GPR179: variants seen among roughly 807,000 people sequenced by gnomAD.
The protein encoded by GPR179 is probable G protein-coupled receptor 179.
In GPR179, 52 loss-of-function variants were observed where a neutral mutation model predicts 70.8. The ratio of observed to expected loss-of-function variants is 0.73; its 90% CI spans 0.59 to 0.93. GPR179 has a LOEUF of 0.93. Ranked by LOEUF, GPR179 falls within the 40% of genes least tolerant of loss-of-function variation. The pLI, the probability that GPR179 is intolerant of heterozygous loss-of-function variation, is 0.00. For synonymous variants in GPR179, 1,123 were observed against 1,169.0 expected, an observed-to-expected ratio of 0.96 and a Z score of 0.80; for missense variants, 2,734 against 2,966.8, an observed-to-expected ratio of 0.92 and a Z score of 1.82.
At position 38,343,545 on chromosome 17, in the gene GPR179, G is replaced by A. The variant is rs778186164; in HGVS notation, c.245C>T (p.Ala82Val). 10 of 1,613,642 alleles carry A rather than the reference G, an allele frequency of 6.2e-6. No homozygotes were observed. The highest frequency in any genetic ancestry group is 1.3e-5 in the African/African-American group (1 of 74,936). ...CCCTGGCATGGCTCCTGCCCCACGC[G>A]CTTCATAGCGCTCACTGCAATTCAC... Reference protein sequence around the residue: ...SQVNCSERYEARGAGAMPGLP... With the variant: ...SQVNCSERYEVRGAGAMPGLP... Residue 82 changes from alanine to valine, a missense_variant, in exon 1 of 11, where the codon GCG becomes GTG. Transcript: ENST00000616987. The surrounding 1 kb of genome is among the most constrained non-coding windows in gnomAD (Gnocchi z 4.2).
rs2037274796 is a variant in GPR179 at position 38,325,215 on chromosome 17, A to G, written c.*1250T>C. Among the ~76,000 whole-genome samples, 1 of 152,154 alleles carries G rather than the reference A, an allele frequency of 6.6e-6. No homozygotes were observed. Among genetic ancestry groups the G allele is most frequent in the Admixed American group, 6.6e-5 (1 of 15,264 alleles). On this transcript the variant is annotated 3_prime_UTR_variant, in exon 11 of 11. Coordinates refer to ENST00000616987, the MANE Select transcript of GPR179 (RefSeq NM_001004334.4). ...GCAATTTGTAATCTAGTACTGCTTA[A>G]GCAAGTGTAGCCTGAACTGACGAGA... is the stretch of plus-strand genomic sequence containing the variant.
In GPR179 at chr17:38,337,615, C is replaced by A; in HGVS notation, c.991+18G>T. On this transcript the variant is annotated intron_variant, in intron 3 of 10. Coordinates refer to ENST00000616987, the MANE Select transcript of GPR179 (RefSeq NM_001004334.4). ...TCTCATGTAAAACACATGCCTGGCC[C>A]CCACCACACTTACATACCCCCAGAG... is the stretch of plus-strand genomic sequence containing the variant. 6.2e-7 allele frequency: 1 copy of A among 1,601,274 alleles called. No individual in the cohort carries two copies.
Position 38,337,739 on chromosome 17 carries a change from C to A in GPR179, c.904-19G>T. Reference sequence around the variant, plus strand: ...GGACACACTATGGGGACAACAAACACAGTATGTGTTTATGTGGGGCTTTCT... The same window carrying A: ...GGACACACTATGGGGACAACAAACAAAGTATGTGTTTATGTGGGGCTTTCT... On this transcript the variant is annotated intron_variant, in intron 2 of 10. Transcript: ENST00000616987. 3 of 1,604,464 alleles carry A rather than the reference C, an allele frequency of 1.9e-6. No individual in the cohort carries two copies. The highest frequency in any genetic ancestry group is 2.6e-6 in the Non-Finnish European group (3 of 1,172,242).
chr17:38,328,689 G>C lies in GPR179; in HGVS notation c.4880C>G (p.Ser1627Trp). 1.9e-6 allele frequency: 3 copies of C among 1,614,006 alleles called. No homozygotes were observed. Among genetic ancestry groups the C allele is most frequent in the Non-Finnish European group, 2.5e-6 (3 of 1,180,000 alleles). The change falls in exon 11 of 11, where the codon TCG becomes TGG. Residue 1627 changes from serine (S) to tryptophan (W), a missense_variant. By Grantham distance (177) the Ser-to-Trp change is radical. Transcript: ENST00000616987. ...CCAAGCTGTGACATCTTCGATTTCCGATTTTCCAGGCATTTTCTCCTTGTC... is the reference window on the plus strand; with the variant it reads ...CCAAGCTGTGACATCTTCGATTTCCCATTTTCCAGGCATTTTCTCCTTGTC... Reference protein sequence around the residue: ...QKDKEKMPGKSEIEDVTAWEK... With the variant: ...QKDKEKMPGKWEIEDVTAWEK...
chr17:38,339,271 C>G, intron 2 of GPR179, 146 bp downstream of exon 2: 1 of 589,396 alleles, frequency 1.7e-6, no homozygotes. Context: ...GGTATCTCAC[C>G]TCTGCCAATC....
chr17:38,332,373 C>T (rs946680581), intron 10 of GPR179, among the ~76,000 whole-genome samples: 3 of 152,162 alleles, frequency 2.0e-5, no homozygotes, highest in Admixed American at 6.5e-5. Flanking sequence ...TGTATCTTAC[C>T]CACTGAGCCT....
In GPR179 at chr17:38,334,064, A is replaced by G; in HGVS notation, c.1785-26T>C. The G allele has an allele frequency of 1.3e-6, 2 of 1,501,656 alleles. No homozygotes were observed. The highest frequency in any genetic ancestry group is 1.9e-6 in the Non-Finnish European group (2 of 1,077,868). 93.0% of individuals were successfully genotyped at this position (1,501,656 alleles called of 1,614,324 possible). ...CTGGGGCGGGATAGGGGCGCAGGTC[A>G]TTACTGCAGGCAGGAGTTGCCTCTT... On this transcript the variant is annotated intron_variant, in intron 8 of 10. Coordinates refer to ENST00000616987, the MANE Select transcript of GPR179 (RefSeq NM_001004334.4). The surrounding 1 kb of genome is among the most constrained non-coding windows in gnomAD (Gnocchi z 4.7).
chr17:38,337,068 C>A lies in GPR179; in HGVS notation c.1137G>T (p.Val379=), dbSNP rs761795218. 1 of 1,608,752 alleles carries A rather than the reference C, an allele frequency of 6.2e-7. No individual in the cohort carries two copies. Among genetic ancestry groups the A allele is most frequent in the Non-Finnish European group, 8.5e-7 (1 of 1,178,258 alleles). Residue 379 remains valine (V), a synonymous_variant, in exon 4 of 11, where the codon GTG becomes GTT. Coordinates refer to ENST00000616987, the MANE Select transcript of GPR179 (RefSeq NM_001004334.4). ...ATPCLVEEAA[V]LRAAVLACQA... is the part of the protein sequence containing the mutation. ...GGCAGGCCAGCACAGCGGCCCGCAG[C>A]ACCGCGGCCTCTTCCACCAGGCACG...
chr17:38,333,370 C>T lies in GPR179; in HGVS notation c.1918G>A (p.Glu640Lys). ...TCACACACCTCATCCACCATCTCCT[C>T]CCGGGGAGGAGCCCCCAGCTTCCAG... ...KFWKLGAPPR[E>K]EMVDEVCEDE... The change falls in exon 10 of 11, where the codon GAG becomes AAG. Residue 640 changes from glutamate (E) to lysine (K), a missense_variant. By Grantham distance (56) the Glu-to-Lys change is moderately conservative (BLOSUM62 1). Transcript: ENST00000616987. 1 of 1,614,028 alleles carries T rather than the reference C, an allele frequency of 6.2e-7. No individual in the cohort carries two copies.
At chr17:38,338,391 C>T (rs1330355333) in intron 2 of GPR179, among the ~76,000 whole-genome samples, 3 of 152,198 alleles carry the variant, frequency 2.0e-5, no homozygotes, top group Non-Finnish European at 1.5e-5. Flanking sequence ...TGGGAACAGA[C>T]ATCAGTGACG....
rs773039290 is a variant in GPR179, at chr17:38,328,780, C to T, written c.4789G>A (p.Val1597Ile). 3 of 1,614,182 alleles carry T rather than the reference C, an allele frequency of 1.9e-6. No homozygotes were observed. Among genetic ancestry groups the T allele is most frequent in the South Asian group, 2.2e-5 (2 of 91,080 alleles). ...CATTCCTCTCTTGTTCTTTCATTTACCTCCCAGGGACAGATTTCTGTTTTG... is the reference window on the plus strand; with the variant it reads ...CATTCCTCTCTTGTTCTTTCATTTATCTCCCAGGGACAGATTTCTGTTTTG... ...PAKTEICPWEVNERTREEWTS... is the reference protein window; with the variant it reads ...PAKTEICPWEINERTREEWTS... The change falls in exon 11 of 11, where the codon GTA (valine) becomes ATA (isoleucine). Residue 1597 changes from valine (V) to isoleucine (I), a missense_variant. Transcript: ENST00000616987.
In GPR179 at chr17:38,343,536, G is replaced by T; in HGVS notation, c.254C>A (p.Ala85Glu). 1 of 1,613,788 alleles carries T rather than the reference G, an allele frequency of 6.2e-7. No individual in the cohort carries two copies. The highest frequency in any genetic ancestry group is 8.5e-7 in the Non-Finnish European group (1 of 1,180,018). ...TGGGGGGAGCCCTGGCATGGCTCCT[G>T]CCCCACGCGCTTCATAGCGCTCACT... Reference protein sequence around the residue: ...NCSERYEARGAGAMPGLPPSL... With the variant: ...NCSERYEARGEGAMPGLPPSL... Residue 85 changes from alanine to glutamate, a missense_variant, in exon 1 of 11, where the codon GCA becomes GAA. Ala to Glu is a moderately radical substitution (Grantham distance 107). Coordinates refer to ENST00000616987, the MANE Select transcript of GPR179 (RefSeq NM_001004334.4). This position sits in a 1 kb window ranked among gnomAD's most constrained non-coding sequence, Gnocchi z 4.2.
Position 38,330,731 on chromosome 17 carries a change from C to T in GPR179, c.2838G>A (p.Gly946=), listed in dbSNP as rs892712454. The part of the protein sequence containing the change: ...QVSTPILALS[G]GLGEPRMLSP... ...ATAGCATCCTTGGCTCTCCCAGGCCCCCAGACAGGGCCAAGATGGGGGTAG... is the reference window on the plus strand; with the variant it reads ...ATAGCATCCTTGGCTCTCCCAGGCCTCCAGACAGGGCCAAGATGGGGGTAG... Residue 946 remains glycine (G), a synonymous_variant, in exon 11 of 11, where the codon GGG becomes GGA. Transcript: ENST00000616987. 5.2e-5 allele frequency: 83 copies of T among 1,589,304 alleles called. No individual in the cohort carries two copies. The highest frequency in any genetic ancestry group is 6.7e-5 in the Non-Finnish European group (78 of 1,165,450).
chr17:38,338,473 T>C (rs543562145), intron 2 of GPR179, among the ~76,000 whole-genome samples: 4 of 152,220 alleles, frequency 2.6e-5, no homozygotes, highest in African/African-American at 4.8e-5. Context: ...TAGTGTGTGG[T>C]GCTTGTGAAG....
chr17:38,338,654 A>G (rs1284989970), intron 2 of GPR179, among the ~76,000 whole-genome samples: 2 of 152,244 alleles, frequency 1.3e-5, no homozygotes, highest in East Asian at 3.8e-4. Context: ...CCTGAAGAGC[A>G]GTAGAACCAC....
chr17:38,328,860 G>A lies in GPR179; in HGVS notation c.4709C>T (p.Thr1570Met), dbSNP rs187512697. The A allele has an allele frequency of 4.3e-4, 699 of 1,613,404 alleles. 6 individuals carry two copies. In the African/African-American group the frequency reaches 7.9e-3, roughly 18 times the overall value. The stretch of plus-strand genomic sequence containing the variant: ...GAGATCTTCCTGTGGACACACCTGC[G>A]TTGCTCTGCTTCCTCCATTGCATAG... ...QFLCNGGSRA[T>M]QVCPQEDLRP... is the part of the protein sequence containing the mutation. Residue 1570 changes from threonine to methionine, a missense_variant, in exon 11 of 11, where the codon ACG becomes ATG. By Grantham distance (81) the Thr-to-Met change is moderately conservative. Coordinates refer to ENST00000616987, the MANE Select transcript of GPR179 (RefSeq NM_001004334.4).
At position 38,331,317 on chromosome 17, in the gene GPR179, C is replaced by A; in HGVS notation, c.2252G>T (p.Arg751Leu). The change falls in exon 11 of 11, where the codon CGC (arginine) becomes CTC (leucine). Residue 751 changes from arginine to leucine, a missense_variant. Coordinates refer to ENST00000616987, the MANE Select transcript of GPR179 (RefSeq NM_001004334.4). ...GAGGCTGGAGCTGAGGAGCCGGCGG[C>A]GGGAGGAGCCGGGCAGGCTGCCGTG... ...PGHGSLPGSSRRRLLSSSLQE... is the reference protein window; with the variant it reads ...PGHGSLPGSSLRRLLSSSLQE... 6.2e-7 allele frequency: 1 copy of A among 1,605,138 alleles called. No individual in the cohort carries two copies. Among genetic ancestry groups the A allele is most frequent in the Non-Finnish European group, 8.5e-7 (1 of 1,176,628 alleles).
At position 38,334,381 on chromosome 17, in the gene GPR179, T is replaced by C. The variant is rs1186456602; in HGVS notation, c.1784+323A>G. On this transcript the variant is annotated intron_variant, in intron 8 of 10. Transcript: ENST00000616987. The surrounding 1 kb of genome is among the most constrained non-coding windows in gnomAD (Gnocchi z 4.7). ...GCCTGCTGCTCTTATGGCTGAGGAG[T>C]GAGGGGAGAAGGCAGGGAGGACTGA... Among the ~76,000 whole-genome samples the C allele has an allele frequency of 1.3e-5, 2 of 150,676 alleles. No individual in the cohort carries two copies. Among genetic ancestry groups the C allele is most frequent in the Non-Finnish European group, 3.0e-5 (2 of 67,692 alleles).
In GPR179 at chr17:38,334,442, A is replaced by G. The variant is rs985845653; in HGVS notation, c.1784+262T>C. On this transcript the variant is annotated intron_variant, in intron 8 of 10. Transcript: ENST00000616987. The surrounding 1 kb of genome is among the most constrained non-coding windows in gnomAD (Gnocchi z 4.7). Reference sequence around the variant, plus strand: ...AAAGGGGTATGTTGGGGTGCTGGAGAGGTGCTTTGGGAGGGGTGAGGAGTT... The same window carrying G: ...AAAGGGGTATGTTGGGGTGCTGGAGGGGTGCTTTGGGAGGGGTGAGGAGTT... 6.6e-6 allele frequency among the ~76,000 whole-genome samples: 1 copy of G among 151,456 alleles called. No individual in the cohort carries two copies. The highest frequency in any genetic ancestry group is 2.4e-5 in the African/African-American group (1 of 41,136).
Sources: gnomAD v4.1 joint callset for allele counts (sites outside exome capture counted in the v4.1 genomes callset) on GRCh38, gnomAD v4.1.1 for gene constraint, Gnocchi (gnomAD v3.1) non-coding constraint, MANE v1.5 for transcripts, NCBI Gene and HGNC (gene_info 2026-07-23, HGNC 2026-07-21) for gene names.